The following CSMD1 variants were observed in gnomAD, a reference collection of about 807,000 sequenced individuals.
CSMD1 encodes the protein CUB and Sushi multiple domains 1, also known as CUB and sushi domain-containing protein 1.
Under a neutral mutation model 417.5 loss-of-function variants are expected in CSMD1, and 213 were observed. The ratio of observed to expected loss-of-function variants is 0.51; its 90% confidence interval spans 0.46 to 0.57. The LOEUF (loss-of-function observed/expected upper bound fraction) is 0.57, where lower values mean the gene tolerates loss of function less well. Among genes scored for constraint, CSMD1 ranks in the 20% least tolerant of loss-of-function variants. CSMD1 has a pLI of 0.00. For missense variants in CSMD1, 6,923 were observed against 4,529.7 expected, an observed-to-expected ratio of 1.53 and a Z score of -15.17; for synonymous variants, 2,862 against 1,736.8, an observed-to-expected ratio of 1.65 and a Z score of -16.11.
At chr8:3,010,672 G>C (rs1163875984) in intron 52 of CSMD1, among the ~76,000 whole-genome samples, 1 of 151,926 alleles carries the variant, frequency 6.6e-6, no homozygotes, top group Non-Finnish European at 1.5e-5. Context: ...TCAGCCTCTA[G>C]GTTGCTCCCA....
chr8:3,788,086 G>T (rs1799545503), intron 5 of CSMD1, among the ~76,000 whole-genome samples: 1 of 152,084 alleles, frequency 6.6e-6, no homozygotes, highest in Non-Finnish European at 1.5e-5. Context: ...GTGTTCTTTG[G>T]GAAGACTTGC....
At chr8:3,562,114 G>A (rs868514388) in intron 10 of CSMD1, among the ~76,000 whole-genome samples, 1 of 140,770 alleles carries the variant, frequency 7.1e-6, no homozygotes, top group African/African-American at 2.9e-5. Context: ...ACCATATGAG[G>A]GAAAAGAAAA....
chr8:3,324,444 C>T (rs554896087), intron 23 of CSMD1, among the ~76,000 whole-genome samples: 80 of 150,028 alleles, frequency 5.3e-4, no homozygotes, highest in African/African-American at 2.0e-3. Flanking sequence ...CTCAGAGACC[C>T]AGGAGTGGGA....
At chr8:3,732,607 C>A (rs1318263936) in intron 6 of CSMD1, among the ~76,000 whole-genome samples, 1 of 152,218 alleles carries the variant, frequency 6.6e-6, no homozygotes, top group Admixed American at 6.5e-5. Context: ...TGCATTTCAG[C>A]AACCCTTGCC....
chr8:3,513,778 A>G (rs761550915), intron 10 of CSMD1, among the ~76,000 whole-genome samples: 8 of 152,224 alleles, frequency 5.3e-5, no homozygotes, highest in Non-Finnish European at 1.2e-4. Context: ...CACCAAACAC[A>G]TGAGAGATAG....
intron 46 of CSMD1, among the ~76,000 whole-genome samples, chr8:3,105,851 G>A (rs914952375): frequency 6.6e-6 from 1 of 152,172 alleles, no homozygotes; most frequent in Non-Finnish European, 1.5e-5. Flanking sequence ...TGTGATAAAG[G>A]AAATACTTTG....
intron 1 of CSMD1, among the ~76,000 whole-genome samples, chr8:4,797,917 G>A (rs759870956): frequency 6.6e-6 from 1 of 152,212 alleles, no homozygotes; most frequent in Non-Finnish European, 1.5e-5. Context: ...AGAAGGGCAT[G>A]ACAGATCTCC....
In CSMD1 at chr8:4,190,727, A is replaced by G. The variant is rs1798975411; in HGVS notation, c.416-158628T>C. On this transcript the variant is annotated intron_variant, in intron 3 of 69. Coordinates refer to ENST00000635120, the MANE Select transcript of CSMD1 (RefSeq NM_033225.6). The stretch of plus-strand genomic sequence containing the variant: ...AACATTTTACAGAAAATCATCTGAA[A>G]TCACATGAATGGATATAACTAATTA... 1.3e-5 allele frequency among the ~76,000 whole-genome samples: 2 copies of G among 152,186 alleles called. 1 individual carries two copies. The highest frequency in any genetic ancestry group is 4.1e-4 in the South Asian group (2 of 4,832).
At chr8:4,035,215 C>G (rs370474915) in intron 3 of CSMD1, among the ~76,000 whole-genome samples, 1 of 152,062 alleles carries the variant, frequency 6.6e-6, no homozygotes, top group Non-Finnish European at 1.5e-5. Context: ...CTATGATGCA[C>G]GTGTCTGTGG....
chr8:4,917,045 G>C (rs1301414829), intron 1 of CSMD1, among the ~76,000 whole-genome samples: 1 of 152,158 alleles, frequency 6.6e-6, no homozygotes, highest in Non-Finnish European at 1.5e-5. Context: ...TTGAAGAAGA[G>C]AGATTTAATT....
intron 3 of CSMD1, among the ~76,000 whole-genome samples, chr8:4,190,143 C>A (rs914228532): frequency 6.6e-6 from 1 of 151,064 alleles, no homozygotes; most frequent in African/African-American, 2.4e-5. Context: ...CCTGTGGTCC[C>A]AGCTACTCAG....
chr8:4,721,402 A>G (rs1809043094), intron 1 of CSMD1, among the ~76,000 whole-genome samples: 1 of 152,226 alleles, frequency 6.6e-6, no homozygotes, highest in Non-Finnish European at 1.5e-5. Flanking sequence ...TATAAAAAAG[A>G]ATGAATCTGA....
intron 1 of CSMD1, among the ~76,000 whole-genome samples, chr8:4,814,567 G>A (rs1209565132): frequency 6.6e-6 from 1 of 152,074 alleles, no homozygotes; most frequent in Non-Finnish European, 1.5e-5. Flanking sequence ...CCAGAATAAT[G>A]ATTTATTCAA....
chr8:3,583,121 C>T (rs981889115), intron 9 of CSMD1, among the ~76,000 whole-genome samples: 3 of 152,098 alleles, frequency 2.0e-5, no homozygotes, highest in African/African-American at 7.2e-5. Flanking sequence ...CCTATCTTTC[C>T]TTCCTAACAG....
intron 51 of CSMD1, among the ~76,000 whole-genome samples, chr8:3,026,360 C>A (rs774532310): frequency 2.0e-5 from 3 of 152,160 alleles, no homozygotes; most frequent in Admixed American, 6.5e-5. Flanking sequence ...CTGGAGCCCA[C>A]TGGGCCTCAC....
At chr8:3,478,887 G>A (rs35366989) in intron 11 of CSMD1, among the ~76,000 whole-genome samples, 35 of 152,146 alleles carry the variant, frequency 2.3e-4, no homozygotes, top group Non-Finnish European at 3.8e-4. Flanking sequence ...CTTCGTCCCA[G>A]TAGGTGTGAG....
intron 3 of CSMD1, among the ~76,000 whole-genome samples, chr8:4,325,267 C>T (rs1799496144): frequency 1.3e-5 from 2 of 152,158 alleles, no homozygotes; most frequent in South Asian, 4.1e-4. Context: ...TTCTTCTGTT[C>T]CTCCCCACTA....
chr8:3,041,534 G>T (rs1051913112), intron 50 of CSMD1, among the ~76,000 whole-genome samples: 1 of 152,166 alleles, frequency 6.6e-6, no homozygotes, highest in Non-Finnish European at 1.5e-5. Flanking sequence ...AAATGTCAAT[G>T]TAAGTGTTGG....
chr8:3,065,427 T>A (rs753273023), intron 49 of CSMD1, among the ~76,000 whole-genome samples: 1 of 151,534 alleles, frequency 6.6e-6, no homozygotes, highest in African/African-American at 2.4e-5. Flanking sequence ...AGTAGAGAGA[T>A]GATAGGAAGA....
Sources: gnomAD v4.1 joint callset for allele counts (sites outside exome capture counted in the v4.1 genomes callset) on GRCh38, gnomAD v4.1.1 for gene constraint, MANE v1.5 for transcripts, NCBI Gene and HGNC (gene_info 2026-07-23, HGNC 2026-07-21) for gene names.